Variants in RAPGEF2 observed in about 807,000 individuals in gnomAD.
RAPGEF2 encodes PDZ domain containing guanine nucleotide exchange factor (GEF) 1.
RAPGEF2 carries 54 observed loss-of-function variants against 186.7 expected under a neutral mutation model. The observed-to-expected ratio is 0.29, with a 90% confidence interval of 0.23 to 0.36. The LOEUF (loss-of-function observed/expected upper bound fraction) is 0.36. RAPGEF2 is among the 10% of genes least tolerant of loss of function. The probability of loss-of-function intolerance (pLI) is 1.00; values close to 1 mark genes in which losing one functional copy is unlikely to be tolerated. For synonymous variants in RAPGEF2, 712 were observed against 705.9 expected (o/e 1.01, Z -0.14); for missense variants, 1,532 against 2,045.0 (o/e 0.75, Z 4.84).
intron 1 of RAPGEF2, among the ~76,000 whole-genome samples, chr4:159,144,496 G>T (rs1429843059): frequency 3.9e-5 from 6 of 152,186 alleles, no homozygotes; most frequent in Non-Finnish European, 8.8e-5. Context: ...CTAAAGCTAG[G>T]TTATGAGCTA....
intron 7 of RAPGEF2, among the ~76,000 whole-genome samples, chr4:159,284,777 T>C (rs1377727617): frequency 6.6e-6 from 1 of 152,206 alleles, no homozygotes; most frequent in East Asian, 1.9e-4. Flanking sequence ...TCTACCTGGG[T>C]GCGGTGGCTT....
chr4:159,151,940 G>A (rs978195675), intron 1 of RAPGEF2, among the ~76,000 whole-genome samples: 3 of 152,322 alleles, frequency 2.0e-5, no homozygotes, highest in East Asian at 3.9e-4. Context: ...TTGGCAGTGG[G>A]AAGGAGCTGT....
At chr4:159,105,262 C>T (rs1310904620) in intron 1 of RAPGEF2, among the ~76,000 whole-genome samples, 1 of 152,234 alleles carries the variant, frequency 6.6e-6, no homozygotes, top group East Asian at 1.9e-4. Context: ...CCCTCCTGAT[C>T]CTTGGGACCA....
chr4:159,195,219 C>G (rs1748510678), intron 3 of RAPGEF2, among the ~76,000 whole-genome samples: 1 of 151,938 alleles, frequency 6.6e-6, no homozygotes, highest in Non-Finnish European at 1.5e-5. Flanking sequence ...ATACTTATTC[C>G]CAGAAGAAAT....
At chr4:159,357,560 A>G (rs1319939729) in intron 29 of RAPGEF2, among the ~76,000 whole-genome samples, 1 of 152,122 alleles carries the variant, frequency 6.6e-6, no homozygotes, top group African/African-American at 2.4e-5. Context: ...AAAAAGCAAC[A>G]CGTGACTGGG....
At chr4:159,329,451 CTCAT>C (rs1401095880) in intron 11 of RAPGEF2, 1 of 152,616 alleles carries the variant, frequency 6.6e-6, no homozygotes, top group Non-Finnish European at 1.5e-5. Context: ...TAAAATCATT[CTCAT>C]TCAAAAATTG....
Position 159,172,482 on chromosome 4 carries a change from T to G in RAPGEF2, c.70-14160T>G, listed in dbSNP as rs546341012. On this transcript the variant is annotated intron_variant, in intron 1 of 29. Transcript: ENST00000691494. ...ACCCCAAGGGCTCTTTGCTTCCTTC[T>G]GATTTCTGGAGAATCTTGGTAATGA... is the stretch of plus-strand genomic sequence containing the variant. Among the ~76,000 whole-genome samples, 9 of 152,354 alleles carry G rather than the reference T, an allele frequency of 5.9e-5. No homozygotes were observed. In the South Asian group the frequency reaches 1.7e-3, roughly 28 times the overall value.
At chr4:159,249,420 ACT>A (rs893482388) in intron 7 of RAPGEF2, among the ~76,000 whole-genome samples, 4 of 150,648 alleles carry the variant, frequency 2.7e-5, no homozygotes, top group African/African-American at 9.8e-5. Flanking sequence ...GATTGGAAAT[ACT>A]CTCTTTTGGT....
intron 3 of RAPGEF2, among the ~76,000 whole-genome samples, chr4:159,196,516 G>A (rs1748668036): frequency 6.6e-6 from 1 of 150,792 alleles, no homozygotes; most frequent in African/African-American, 2.4e-5. Flanking sequence ...CAATAATTTT[G>A]CCAGGTAAAT....
In RAPGEF2 at chr4:159,166,729, TA is replaced by T. The variant is rs368185398; in HGVS notation, c.70-19906del. On this transcript the variant is annotated intron_variant, in intron 1 of 29. Transcript: ENST00000691494. The stretch of plus-strand genomic sequence containing the variant: ...TTACTCAGGTATTTCATATATACAT[TA>T]AAAAAACCGACAATAAAAATGAACA... Among the ~76,000 whole-genome samples, 43 of 152,244 alleles carry T rather than the reference TA, an allele frequency of 2.8e-4. No individual in the cohort carries two copies. In the East Asian group the frequency reaches 7.3e-3, roughly 26 times the overall value.
rs1354787029 is a variant in RAPGEF2, at chr4:159,358,355, T to C, written c.*216T>C. 1.9e-6 allele frequency: 1 copy of C among 539,834 alleles called. No individual in the cohort carries two copies. Among genetic ancestry groups the C allele is most frequent in the African/African-American group, 1.9e-5 (1 of 52,504 alleles). 33.4% of individuals were successfully genotyped at this position (539,834 alleles called of 1,614,324 possible). On this transcript the variant is annotated 3_prime_UTR_variant, in exon 30 of 30. Transcript: ENST00000691494. The stretch of plus-strand genomic sequence containing the variant: ...AAATTGCCCTGGCACTTTTCAGACT[T>C]TGTTGCTTGAAATGCACAGTGCAGC...
At chr4:159,325,212 T>G (rs1765761991) in intron 11 of RAPGEF2, among the ~76,000 whole-genome samples, 1 of 152,072 alleles carries the variant, frequency 6.6e-6, no homozygotes, top group Non-Finnish European at 1.5e-5. Context: ...GACTTCAGTG[T>G]TTTAAATATG....
chr4:159,157,945 G>A (rs943182490), intron 1 of RAPGEF2, among the ~76,000 whole-genome samples: 7 of 152,144 alleles, frequency 4.6e-5, no homozygotes, highest in African/African-American at 1.7e-4. Context: ...AATTGGGGTA[G>A]GGACCGAGAC....
At chr4:159,219,837 A>T (rs1751363134) in intron 4 of RAPGEF2, among the ~76,000 whole-genome samples, 1 of 152,180 alleles carries the variant, frequency 6.6e-6, no homozygotes, top group Admixed American at 6.5e-5. Flanking sequence ...TTCTGTCCTA[A>T]ACTGCTCACC....
chr4:159,233,347 G>T lies in RAPGEF2; in HGVS notation c.282-5462G>T, dbSNP rs182824574. On this transcript the variant is annotated intron_variant, in intron 4 of 29. Transcript: ENST00000691494. ...ATTTTTGTGTATCTTGTGCGGTAGG[G>T]GTCCAATTTCATTCTTTTTCATGTG... Among the ~76,000 whole-genome samples, 92 of 152,100 alleles carry T rather than the reference G, an allele frequency of 6.0e-4. 1 individual carries two copies. Among genetic ancestry groups the T allele is most frequent in the African/African-American group, 2.2e-3 (90 of 41,494 alleles).
intron 7 of RAPGEF2, among the ~76,000 whole-genome samples, chr4:159,270,011 T>G (rs959423968): frequency 2.0e-5 from 3 of 152,220 alleles, no homozygotes; most frequent in African/African-American, 7.2e-5. Flanking sequence ...AGTGCCTATA[T>G]TTTGCTACAA....
chr4:159,332,204 T>G (rs1269309439), intron 16 of RAPGEF2, among the ~76,000 whole-genome samples, 170 bp downstream of exon 16: 1 of 152,102 alleles, frequency 6.6e-6, no homozygotes, highest in Non-Finnish European at 1.5e-5. Context: ...CTGAAATCTT[T>G]TATTGATAAA....
chr4:159,272,289 A>G (rs1253040275), intron 7 of RAPGEF2, among the ~76,000 whole-genome samples: 1 of 152,188 alleles, frequency 6.6e-6, no homozygotes, highest in African/African-American at 2.4e-5. Flanking sequence ...CATATTTTCT[A>G]AATTGCTATT....
At chr4:159,355,153 A>G (rs545807792) in intron 28 of RAPGEF2, among the ~76,000 whole-genome samples, 5 of 152,306 alleles carry the variant, frequency 3.3e-5, no homozygotes, top group African/African-American at 9.6e-5. Context: ...GTTCCTAACA[A>G]TTGAGTTTTA....
Sources: allele counts gnomAD v4.1 joint callset (sites outside exome capture counted in the v4.1 genomes callset), GRCh38; gene constraint gnomAD v4.1.1; transcripts MANE v1.5; gene names NCBI Gene and HGNC (gene_info 2026-07-23, HGNC 2026-07-21).